CCSER1: variants seen among roughly 807,000 people sequenced by gnomAD.
The protein encoded by CCSER1 is serine-rich coiled-coil domain-containing protein 1.
Under a neutral mutation model 82.0 loss-of-function variants are expected in CCSER1, and 41 were observed. That is an observed-to-expected ratio of 0.50 (90% confidence interval 0.39 to 0.65). CCSER1 has a LOEUF of 0.65. Ranked by LOEUF, CCSER1 falls within the 30% of genes least tolerant of loss-of-function variation. CCSER1 has a pLI of 0.00. For missense variants in CCSER1, 1,119 were observed against 1,064.2 expected, an observed-to-expected ratio of 1.05 and a Z score of -0.72; for synonymous variants, 414 against 383.9, an observed-to-expected ratio of 1.08 and a Z score of -0.92.
At chr4:90,792,244 G>A (rs1038554091) in intron 7 of CCSER1, among the ~76,000 whole-genome samples, 6 of 151,940 alleles carry the variant, frequency 3.9e-5, no homozygotes, top group African/African-American at 7.3e-5. Context: ...TTTCTGAAGC[G>A]TTACTTATTT....
At chr4:90,683,900 A>G (rs552271426) in intron 6 of CCSER1, among the ~76,000 whole-genome samples, 1 of 152,290 alleles carries the variant, frequency 6.6e-6, no homozygotes, top group South Asian at 2.1e-4. Flanking sequence ...GGAATGGAAC[A>G]AAATAATTAT....
chr4:91,061,176 A>G (rs957316955), intron 9 of CCSER1, among the ~76,000 whole-genome samples: 2 of 152,040 alleles, frequency 1.3e-5, no homozygotes, highest in African/African-American at 4.8e-5. Flanking sequence ...ATCGATAATA[A>G]GCTTCTAATA....
At chr4:91,093,310 A>T (rs891102668) in intron 10 of CCSER1, among the ~76,000 whole-genome samples, 1 of 152,226 alleles carries the variant, frequency 6.6e-6, no homozygotes, top group Non-Finnish European at 1.5e-5. Context: ...GTCTGCTAGA[A>T]TACACTGAGT....
intron 10 of CCSER1, among the ~76,000 whole-genome samples, chr4:91,264,046 C>A (rs953139432): frequency 1.3e-5 from 2 of 151,886 alleles, no homozygotes; most frequent in African/African-American, 2.4e-5. Flanking sequence ...GAAATAATTA[C>A]ACTACCATGT....
chr4:91,059,332 T>C (rs6831564), intron 9 of CCSER1, among the ~76,000 whole-genome samples: 25,552 of 149,610 alleles, frequency 0.17, 2,299 homozygotes, highest in Admixed American at 0.22. Flanking sequence ...ACATATAGTG[T>C]ATATATATGT....
intron 10 of CCSER1, among the ~76,000 whole-genome samples, chr4:91,295,883 G>A (rs1744119762): frequency 6.6e-6 from 1 of 151,682 alleles, no homozygotes; most frequent in African/African-American, 2.4e-5. Flanking sequence ...AGTATATTTT[G>A]TATTAGGATA....
chr4:90,452,296 GT>G (rs1249303429), intron 4 of CCSER1, among the ~76,000 whole-genome samples: 1 of 152,178 alleles, frequency 6.6e-6, no homozygotes, highest in Non-Finnish European at 1.5e-5. Context: ...TGGGAGGAAG[GT>G]GGCTGAGTTT....
intron 6 of CCSER1, among the ~76,000 whole-genome samples, chr4:90,635,491 A>G (rs953224689): frequency 1.3e-5 from 2 of 151,800 alleles, no homozygotes; most frequent in Non-Finnish European, 3.0e-5. Context: ...GCTGAAAGGA[A>G]ATTTTTAAAT....
intron 10 of CCSER1, among the ~76,000 whole-genome samples, chr4:91,259,763 A>G (rs1371658886): frequency 6.6e-6 from 1 of 152,128 alleles, no homozygotes; most frequent in Non-Finnish European, 1.5e-5. Flanking sequence ...CCTGCAGAGG[A>G]CATTAACTCA....
chr4:90,954,928 G>T lies in CCSER1; in HGVS notation c.2172+31481G>T, dbSNP rs533670913. ...TATATACATGTATGCCCTAGCTTTA[G>T]GGCTCTGATCTTTCTGCCTGGAACT... On this transcript the variant is annotated intron_variant, in intron 9 of 10. Transcript: ENST00000509176. Among the ~76,000 whole-genome samples, 8 of 152,180 alleles carry T rather than the reference G, an allele frequency of 5.3e-5. No individual in the cohort carries two copies. In the South Asian group the frequency reaches 1.7e-3, roughly 32 times the overall value.
chr4:90,258,242 C>T (rs554451538), intron 1 of CCSER1, among the ~76,000 whole-genome samples: 3 of 152,182 alleles, frequency 2.0e-5, no homozygotes, highest in African/African-American at 7.2e-5. Context: ...CGGATGGGCA[C>T]GGTGGCTCAT....
At chr4:91,170,604 T>C (rs527992424) in intron 10 of CCSER1, among the ~76,000 whole-genome samples, 1 of 152,334 alleles carries the variant, frequency 6.6e-6, no homozygotes, top group East Asian at 1.9e-4. Context: ...TAAATTGATA[T>C]TTTGAAGTTT....
At chr4:91,255,492 C>A (rs545544889) in intron 10 of CCSER1, among the ~76,000 whole-genome samples, 1 of 152,064 alleles carries the variant, frequency 6.6e-6, no homozygotes, top group South Asian at 2.1e-4. Flanking sequence ...AATCCATCAC[C>A]CTTGTGGGCA....
At chr4:90,260,325 C>T (rs1405513345) in intron 1 of CCSER1, among the ~76,000 whole-genome samples, 1 of 152,028 alleles carries the variant, frequency 6.6e-6, no homozygotes, top group Non-Finnish European at 1.5e-5. Context: ...TGACTTTCTG[C>T]CTTGATGATC....
At chr4:90,416,932 C>A (rs1228847703) in intron 4 of CCSER1, among the ~76,000 whole-genome samples, 2 of 150,046 alleles carry the variant, frequency 1.3e-5, no homozygotes, top group Non-Finnish European at 2.9e-5. Context: ...TTATTCTTAG[C>A]AAACTTAACA....
rs1225590568 is a variant in CCSER1, at chr4:91,086,993, T to C, written c.2217+999T>C. ...ATAAATCTTTAGATATTTTTCATGT[T>C]GTAGGAGAGCAAGATGATAAGAATA... On this transcript the variant is annotated intron_variant, in intron 10 of 10. Transcript: ENST00000509176. Among the ~76,000 whole-genome samples, 7 of 152,094 alleles carry C rather than the reference T, an allele frequency of 4.6e-5. No individual in the cohort carries two copies. In the East Asian group the frequency reaches 1.2e-3, roughly 25 times the overall value.
intron 7 of CCSER1, among the ~76,000 whole-genome samples, chr4:90,752,784 A>G (rs1748879212): frequency 6.6e-6 from 1 of 152,042 alleles, no homozygotes; most frequent in African/African-American, 2.4e-5. Context: ...TCAGATTCAT[A>G]TATTCAATTG....
intron 10 of CCSER1, among the ~76,000 whole-genome samples, chr4:91,444,808 G>A (rs1041374960): frequency 1.3e-4 from 20 of 152,174 alleles, no homozygotes; most frequent in African/African-American, 1.2e-4. Flanking sequence ...TGGTGAAAAC[G>A]TTTATATATT....
intron 10 of CCSER1, among the ~76,000 whole-genome samples, chr4:91,155,137 T>C (rs10016028): frequency 0.94 from 142,334 of 151,926 alleles, 66,841 homozygotes; most frequent in African/African-American, 0.96. Context: ...TATTTGGAAA[T>C]GTGATATGGT....
Sources: allele counts gnomAD v4.1 joint callset (sites outside exome capture counted in the v4.1 genomes callset), GRCh38; gene constraint gnomAD v4.1.1; transcripts MANE v1.5; gene names NCBI Gene and HGNC (gene_info 2026-07-23, HGNC 2026-07-21).